Variants in WARS2 observed in about 807,000 individuals in gnomAD.
The protein encoded by WARS2 is tryptophan--tRNA ligase, mitochondrial.
Under a neutral mutation model 36.5 loss-of-function variants are expected in WARS2, and 28 were observed. The ratio of observed to expected loss-of-function variants is 0.77; its 90% CI spans 0.57 to 1.05. WARS2 has a LOEUF of 1.05. Ranked by LOEUF, WARS2 falls within the 50% of genes least tolerant of loss-of-function variation. The pLI, the probability that WARS2 is intolerant of heterozygous loss-of-function variation, is 0.00. For missense variants in WARS2, 435 were observed against 456.8 expected, an observed-to-expected ratio of 0.95 and a Z score of 0.44; for synonymous variants, 174 against 178.4, an observed-to-expected ratio of 0.98 and a Z score of 0.20.
In WARS2 at chr1:119,038,140, A is replaced by T. The variant is rs3828065; in HGVS notation, c.516-3927T>A. ...GATTTTCAGGGGCTGCAGCCTGGAA[A>T]CTACATTTTTCATACTGCCTTTCAG... On this transcript the variant is annotated intron_variant, in intron 4 of 5. Transcript: ENST00000235521. Among the ~76,000 whole-genome samples, 8 of 152,276 alleles carry T rather than the reference A, an allele frequency of 5.3e-5. No individual in the cohort carries two copies. The East Asian group carries it at 1.5e-3, about 29-fold the overall frequency.
intron 2 of WARS2, among the ~76,000 whole-genome samples, chr1:119,070,740 CATAAATAA>C (rs554646188): frequency 6.2e-4 from 94 of 151,592 alleles, no homozygotes; most frequent in Middle Eastern, 3.4e-3. Flanking sequence ...GAGACCCTGT[CATAAATAA>C]ATAAATAAAT....
chr1:119,098,948 G>T (rs1481121656), intron 1 of WARS2, among the ~76,000 whole-genome samples: 3 of 147,876 alleles, frequency 2.0e-5, no homozygotes, highest in Non-Finnish European at 4.5e-5. Flanking sequence ...TGTTTGCCAG[G>T]CTGGTCTTGA....
At chr1:119,121,183 G>T (rs114893620) in intron 1 of WARS2, among the ~76,000 whole-genome samples, 6 of 152,092 alleles carry the variant, frequency 3.9e-5, no homozygotes, top group African/African-American at 1.4e-4. Context: ...TCTAATAAAT[G>T]AATTCTGTAA....
intron 1 of WARS2, among the ~76,000 whole-genome samples, chr1:119,096,647 G>A (rs897687567): frequency 3.3e-5 from 5 of 152,070 alleles, no homozygotes; most frequent in Admixed American, 6.5e-5. Context: ...ATTTTTAAAT[G>A]TTGTACATAA....
intron 2 of WARS2, among the ~76,000 whole-genome samples, chr1:119,051,305 T>C (rs1446372512): frequency 3.3e-5 from 5 of 152,192 alleles, no homozygotes; most frequent in Admixed American, 6.5e-5. Context: ...ATTCCTGTGT[T>C]AGTTTGCTAA....
intron 4 of WARS2, among the ~76,000 whole-genome samples, chr1:119,040,967 C>T (rs929811838): frequency 6.6e-6 from 1 of 152,134 alleles, no homozygotes; most frequent in Admixed American, 6.6e-5. Flanking sequence ...TATCAAGAGT[C>T]CAGCATACAA....
intron 1 of WARS2, among the ~76,000 whole-genome samples, chr1:119,125,855 A>C (rs895589249): frequency 6.6e-6 from 1 of 152,214 alleles, no homozygotes; most frequent in Non-Finnish European, 1.5e-5. Context: ...ACTAGCATTC[A>C]ATACATTTGT....
intron 1 of WARS2, among the ~76,000 whole-genome samples, chr1:119,127,972 C>T (rs1420161004): frequency 6.6e-6 from 1 of 152,174 alleles, no homozygotes; most frequent in Non-Finnish European, 1.5e-5. Context: ...TTTCTCACCT[C>T]TTCTCTCATT....
intron 2 of WARS2, among the ~76,000 whole-genome samples, chr1:119,066,307 TC>T (rs1650853368): frequency 6.6e-6 from 1 of 151,430 alleles, no homozygotes; most frequent in Admixed American, 6.6e-5. Context: ...TGAAACCCCG[TC>T]TTTACTAAAA....
At chr1:119,123,312 G>A (rs1655444231) in intron 1 of WARS2, among the ~76,000 whole-genome samples, 2 of 152,210 alleles carry the variant, frequency 1.3e-5, no homozygotes, top group African/African-American at 4.8e-5. Flanking sequence ...GTTGCCCAAG[G>A]AACACGTGTG....
intron 4 of WARS2, among the ~76,000 whole-genome samples, chr1:119,039,812 A>G (rs949629040): frequency 2.6e-5 from 4 of 152,166 alleles, no homozygotes; most frequent in African/African-American, 9.6e-5. Flanking sequence ...GGAAACACTA[A>G]TATTTGGCTT....
At chr1:119,034,692 A>G (rs537062285) in intron 4 of WARS2, among the ~76,000 whole-genome samples, 37 of 152,196 alleles carry the variant, frequency 2.4e-4, no homozygotes, top group Non-Finnish European at 4.0e-4. Flanking sequence ...TCCCTGTCAC[A>G]TAGGGAGTAA....
chr1:119,092,714 C>T (rs1048374694), intron 1 of WARS2, among the ~76,000 whole-genome samples: 2 of 152,118 alleles, frequency 1.3e-5, no homozygotes, highest in Non-Finnish European at 2.9e-5. Context: ...GTTTCATCAC[C>T]TGAAATAAAA....
intron 1 of WARS2, among the ~76,000 whole-genome samples, chr1:119,081,659 A>C (rs756095059): frequency 5.3e-5 from 8 of 152,186 alleles, no homozygotes; most frequent in Admixed American, 2.6e-4. Context: ...ATTGTATATA[A>C]ATTTTAAAAT....
At chr1:119,084,614 C>T (rs1652479277) in intron 1 of WARS2, among the ~76,000 whole-genome samples, 1 of 152,214 alleles carries the variant, frequency 6.6e-6, no homozygotes, top group Admixed American at 6.5e-5. Flanking sequence ...CATTCATTCA[C>T]ATCAAGCTGT....
chr1:119,058,865 A>T (rs1250370441), intron 2 of WARS2, among the ~76,000 whole-genome samples: 1 of 148,580 alleles, frequency 6.7e-6, no homozygotes, highest in African/African-American at 2.5e-5. Context: ...CCAGTTCTAG[A>T]TCCCTGAGGA....
chr1:119,077,304 A>G (rs587732855), intron 1 of WARS2, among the ~76,000 whole-genome samples: 1 of 152,294 alleles, frequency 6.6e-6, no homozygotes, highest in South Asian at 2.1e-4. Context: ...AGAGGAAAAG[A>G]TAACTGAGGT....
intron 1 of WARS2, among the ~76,000 whole-genome samples, chr1:119,139,254 T>C (rs192806460): frequency 2.0e-5 from 3 of 152,330 alleles, no homozygotes; most frequent in Admixed American, 1.3e-4. Context: ...ATTTGAATAG[T>C]TGTTTGCTGA....
intron 4 of WARS2, among the ~76,000 whole-genome samples, chr1:119,039,841 G>A (rs1035698102): frequency 6.6e-6 from 1 of 151,836 alleles, no homozygotes; most frequent in African/African-American, 2.4e-5. Context: ...ATTTTATGAA[G>A]AGGTCACACA....
Sources: gnomAD v4.1 joint callset for allele counts (sites outside exome capture counted in the v4.1 genomes callset) on GRCh38, gnomAD v4.1.1 for gene constraint, MANE v1.5 for transcripts, NCBI Gene and HGNC (gene_info 2026-07-23, HGNC 2026-07-21) for gene names.